BANF2: variants seen among roughly 807,000 people sequenced by gnomAD.
The protein encoded by BANF2 is BANF family member 2, also known as barrier-to-autointegration factor-like protein.
A neutral mutation model predicts 8.0 loss-of-function variants in BANF2; 4 were observed. The ratio of observed to expected loss-of-function variants is 0.50; its 90% CI spans 0.25 to 1.14. BANF2 has a LOEUF of 1.14. Ranked by LOEUF, BANF2 falls within the 50% of genes most tolerant of loss-of-function variation. BANF2 has a pLI of 0.16. For missense variants in BANF2, 96 were observed against 107.5 expected (o/e 0.89, Z 0.47); for synonymous variants, 50 against 40.6 (o/e 1.23, Z -0.88).
rs759396187 is a variant in BANF2 at position 17,735,806 on chromosome 20, C to T, written c.268C>T (p.Leu90=). 6.2e-7 allele frequency: 1 copy of T among 1,613,104 alleles called. No homozygotes were observed. ...HCLKEWCACF[L] Reference sequence around the variant, plus strand: ...CCTCAAGGAGTGGTGTGCCTGCTTCCTGTAGACACAAACCTCATTGCTGCC... The same window carrying T: ...CCTCAAGGAGTGGTGTGCCTGCTTCTTGTAGACACAAACCTCATTGCTGCC... The change falls in exon 4 of 4, where the codon CTG becomes TTG. Residue 90 remains leucine (L), a synonymous_variant. Coordinates refer to ENST00000246090, the MANE Select transcript of BANF2 (RefSeq NM_178477.5).
At chr20:17,722,934 G>A in intron 2 of BANF2, 56 bp downstream of exon 2, 2 of 919,854 alleles carry the variant, frequency 2.2e-6, no homozygotes, top group Non-Finnish European at 2.6e-6. Context: ...GGAGGCGTTG[G>A]ATGCACCTGA....
chr20:17,704,642 AG>A (rs1387776969), intron 1 of BANF2, among the ~76,000 whole-genome samples: 7 of 152,364 alleles, frequency 4.6e-5, no homozygotes, highest in Non-Finnish European at 8.8e-5. Context: ...TCAGCCTTTA[AG>A]GCCTCTTCCT....
intron 3 of BANF2, among the ~76,000 whole-genome samples, chr20:17,734,809 G>A (rs931871420): frequency 6.6e-6 from 1 of 152,194 alleles, no homozygotes; most frequent in Non-Finnish European, 1.5e-5. Context: ...CCCGTGCTAT[G>A]GGCACAGTGG....
At position 17,708,067 on chromosome 20, in the gene BANF2, AC is replaced by A. The variant is rs2037512257; in HGVS notation, c.-167+8014del. Among the ~76,000 whole-genome samples, 349 of 148,608 alleles carry A rather than the reference AC, an allele frequency of 2.3e-3. 2 individuals are homozygous for A. The highest frequency in any genetic ancestry group is 7.0e-3 in the African/African-American group (282 of 40,436). On this transcript the variant is annotated intron_variant, in intron 1 of 3. Coordinates refer to ENST00000246090, the MANE Select transcript of BANF2 (RefSeq NM_178477.5). Reference sequence around the variant, plus strand: ...AAATCAAAAAAAAAAAAAAAAAAAAACCAAAAAGAATTAGCCAGGTGTTGCG... The same window carrying A: ...AAATCAAAAAAAAAAAAAAAAAAAAACAAAAAGAATTAGCCAGGTGTTGCG...
intron 1 of BANF2, among the ~76,000 whole-genome samples, chr20:17,709,670 A>G (rs1407848292): frequency 1.3e-5 from 2 of 152,214 alleles, no homozygotes. Context: ...GCCTTGCTTA[A>G]TATCTCAGTG....
chr20:17,718,807 C>G (rs1276236618), intron 1 of BANF2, among the ~76,000 whole-genome samples: 1 of 152,200 alleles, frequency 6.6e-6, no homozygotes, highest in Non-Finnish European at 1.5e-5. Context: ...AGTTGACGCT[C>G]TAAGCATCTA....
At chr20:17,725,297 G>T in intron 3 of BANF2, 146 bp downstream of exon 3, 2 of 1,006,582 alleles carry the variant, frequency 2.0e-6, no homozygotes, top group Non-Finnish European at 2.9e-6. Flanking sequence ...ATGCTTTCGT[G>T]CTATTGACCC....
chr20:17,730,685 G>GC (rs1366970057), intron 3 of BANF2, among the ~76,000 whole-genome samples: 3 of 152,198 alleles, frequency 2.0e-5, no homozygotes, highest in Non-Finnish European at 4.4e-5. Flanking sequence ...GGACCAGAAG[G>GC]CCGCAGTGTG....
At chr20:17,712,618 A>G (rs2037591104) in intron 1 of BANF2, 1 of 834,542 alleles carries the variant, frequency 1.2e-6, no homozygotes, top group African/African-American at 1.9e-5. Context: ...GGTAGTGCGG[A>G]TAATGAGGTG....
At chr20:17,717,664 G>T (rs1471838241) in intron 1 of BANF2, among the ~76,000 whole-genome samples, 1 of 152,074 alleles carries the variant, frequency 6.6e-6, no homozygotes, top group Admixed American at 6.6e-5. Flanking sequence ...AATTTTGAAA[G>T]GCATACTTTT....
At chr20:17,695,268 G>C (rs2037337220), upstream of BANF2, among the ~76,000 whole-genome samples, 1 of 151,362 alleles carries the variant, frequency 6.6e-6, no homozygotes, top group African/African-American at 2.4e-5. Context: ...TCAACAAAGG[G>C]AAGACCCCAT....
chr20:17,711,590 G>A (rs2037574314), intron 1 of BANF2, among the ~76,000 whole-genome samples: 1 of 152,152 alleles, frequency 6.6e-6, no homozygotes, highest in African/African-American at 2.4e-5. Flanking sequence ...ACCCCCTGGG[G>A]GGCTCTGGAG....
At chr20:17,701,072 G>T (rs907699069) in intron 1 of BANF2, among the ~76,000 whole-genome samples, 1 of 152,176 alleles carries the variant, frequency 6.6e-6, no homozygotes, top group Non-Finnish European at 1.5e-5. Context: ...CTTAGGCTTT[G>T]CCATCCCTCC....
upstream of BANF2, among the ~76,000 whole-genome samples, chr20:17,697,993 T>C (rs532842291): frequency 2.6e-5 from 4 of 151,894 alleles, no homozygotes; most frequent in East Asian, 7.7e-4. Context: ...TCATCTGAGG[T>C]CAGGAGTTTG....
chr20:17,693,897 AC>A (rs1429444711), intron 1 of BANF2, among the ~76,000 whole-genome samples: 1 of 152,224 alleles, frequency 6.6e-6, no homozygotes, highest in East Asian at 1.9e-4. Flanking sequence ...TCTTCACACC[AC>A]GGTGGCTGAC....
At chr20:17,729,932 G>A (rs146269810) in intron 3 of BANF2, among the ~76,000 whole-genome samples, 2 of 152,296 alleles carry the variant, frequency 1.3e-5, no homozygotes, top group African/African-American at 4.8e-5. Context: ...TCCCCCGAAT[G>A]CAGAACTGTG....
intron 1 of BANF2, among the ~76,000 whole-genome samples, chr20:17,711,669 G>A (rs1039648023): frequency 6.6e-6 from 1 of 152,260 alleles, no homozygotes; most frequent in East Asian, 1.9e-4. Context: ...TTCCACATCC[G>A]CAAGCCATTA....
chr20:17,725,406 G>A (rs1356951534), intron 3 of BANF2, among the ~76,000 whole-genome samples: 1 of 152,252 alleles, frequency 6.6e-6, no homozygotes, highest in Non-Finnish European at 1.5e-5. Flanking sequence ...TTCACTTGGT[G>A]TTCAAACACT....
intron 1 of BANF2, among the ~76,000 whole-genome samples, chr20:17,715,149 T>C (rs1054974861): frequency 2.7e-4 from 41 of 152,158 alleles, no homozygotes; most frequent in Non-Finnish European, 1.9e-4. Flanking sequence ...GCCCAGCTCC[T>C]CCAGCAGGAG....
Sources: allele counts gnomAD v4.1 joint callset (sites outside exome capture counted in the v4.1 genomes callset), GRCh38; gene constraint gnomAD v4.1.1; transcripts MANE v1.5; gene names NCBI Gene and HGNC (gene_info 2026-07-23, HGNC 2026-07-21).